The following ME3 variants were observed in gnomAD, a reference collection of about 807,000 sequenced individuals.
ME3 encodes NADP-dependent malic enzyme, mitochondrial.
A neutral mutation model predicts 68.9 loss-of-function variants in ME3; 48 were observed. The observed-to-expected ratio is 0.70, with a 90% CI of 0.55 to 0.89. The LOEUF is 0.89. Among genes scored for constraint, ME3 ranks in the 40% least tolerant of loss-of-function variants. The pLI, the probability that ME3 is intolerant of heterozygous loss-of-function variation, is 0.00. For synonymous variants in ME3, 320 were observed against 318.8 expected (o/e 1.00, Z -0.04); for missense variants, 675 against 797.4 (o/e 0.85, Z 1.85).
At chr11:86,551,887 A>T (rs1284403805) in intron 4 of ME3, among the ~76,000 whole-genome samples, 1 of 152,140 alleles carries the variant, frequency 6.6e-6, no homozygotes, top group Admixed American at 6.5e-5. Flanking sequence ...TCCCAGCCTC[A>T]CCTTTCTAAC....
intron 2 of ME3, among the ~76,000 whole-genome samples, chr11:86,632,841 A>T (rs918946263): frequency 2.0e-5 from 3 of 152,192 alleles, no homozygotes; most frequent in Non-Finnish European, 2.9e-5. Context: ...CTGGTCCTCC[A>T]TGGGAGCCCC....
In ME3 at chr11:86,451,470, T is replaced by C. The variant is rs555388070; in HGVS notation, c.920-1072A>G. On this transcript the variant is annotated intron_variant, in intron 8 of 14. Coordinates refer to ENST00000543262, the Ensembl canonical transcript of ME3. ...ACCCAGGGTTTGCTTAACGGACTTA[T>C]GCATAAAACAGCCATGGTGGTAAGG... is the stretch of plus-strand genomic sequence containing the variant. Among the ~76,000 whole-genome samples, 273 of 152,338 alleles carry C rather than the reference T, an allele frequency of 1.8e-3. 1 individual carries two copies. The highest frequency in any genetic ancestry group is 1.9e-3 in the Non-Finnish European group (129 of 68,030).
chr11:86,536,109 T>C (rs945983852), intron 4 of ME3, among the ~76,000 whole-genome samples: 3 of 152,190 alleles, frequency 2.0e-5, no homozygotes, highest in Non-Finnish European at 4.4e-5. Context: ...CTGAATTGTC[T>C]ATTTCCTTGT....
chr11:86,532,949 G>C (rs768240236), intron 4 of ME3, among the ~76,000 whole-genome samples: 24 of 152,146 alleles, frequency 1.6e-4, no homozygotes, highest in Admixed American at 2.6e-4. Flanking sequence ...CTACTCAGGA[G>C]GCTGAGGTGG....
At chr11:86,501,884 T>A (rs1416940655) in intron 5 of ME3, among the ~76,000 whole-genome samples, 1 of 152,212 alleles carries the variant, frequency 6.6e-6, no homozygotes, top group Non-Finnish European at 1.5e-5. Context: ...CTTGAGCCAC[T>A]GCACTGTTCT....
At chr11:86,586,331 T>A (rs1958731996) in intron 2 of ME3, among the ~76,000 whole-genome samples, 1 of 151,880 alleles carries the variant, frequency 6.6e-6, no homozygotes, top group Admixed American at 6.6e-5. Context: ...GAGAACTGAG[T>A]AGGATTGGAG....
chr11:86,670,832 T>G (rs531904823), intron 2 of ME3, among the ~76,000 whole-genome samples: 1 of 152,356 alleles, frequency 6.6e-6, no homozygotes, highest in South Asian at 2.1e-4. Context: ...TCAAGTTCAG[T>G]GATTCATTTT....
downstream of ME3, among the ~76,000 whole-genome samples, chr11:86,440,613 C>A (rs1211761492): frequency 6.6e-6 from 1 of 152,166 alleles, no homozygotes; most frequent in Admixed American, 6.5e-5. Flanking sequence ...TAAGACTCAA[C>A]AACCCACAGG....
intron 4 of ME3, among the ~76,000 whole-genome samples, chr11:86,548,578 T>G (rs770485630): frequency 6.6e-6 from 1 of 152,232 alleles, no homozygotes; most frequent in Admixed American, 6.5e-5. Flanking sequence ...AAGCTTTTTC[T>G]TGTCAGAAAA....
intron 2 of ME3, among the ~76,000 whole-genome samples, chr11:86,659,519 A>G (rs1946137899): frequency 6.6e-6 from 1 of 152,222 alleles, no homozygotes; most frequent in African/African-American, 2.4e-5. Context: ...ATGCTAGTCA[A>G]GATGACCTCT....
intron 2 of ME3, among the ~76,000 whole-genome samples, chr11:86,605,693 G>T (rs1961525366): frequency 6.6e-6 from 1 of 152,004 alleles, no homozygotes; most frequent in African/African-American, 2.4e-5. Flanking sequence ...TCTGTTTAAC[G>T]TTATTTAAAA....
Position 86,508,806 on chromosome 11 carries a change from C to A in ME3, c.529G>T (p.Glu177Ter), listed in dbSNP as rs577491910. 6.2e-7 allele frequency: 1 copy of A among 1,612,414 alleles called. No homozygotes were observed. The highest frequency in any genetic ancestry group is 1.3e-5 in the African/African-American group (1 of 74,990). The change falls in exon 5 of 15, where the codon GAA (glutamate) becomes TAA (stop). Residue 177 changes from glutamate to a stop codon, truncating the protein, a stop_gained. Transcript: ENST00000543262. LOFTEE classifies it high-confidence loss of function. ...CGGGATCATACCTTAATATTGTCTT[C>A]TGGCCAAGAATTCAGCATTGTTGCA...
Position 86,442,524 on chromosome 11 carries a change from C to T in ME3, c.1653+297G>A, listed in dbSNP as rs139229819. Among the ~76,000 whole-genome samples the T allele has an allele frequency of 1.7e-3, 264 of 152,212 alleles. 2 individuals carry two copies. The highest frequency in any genetic ancestry group is 3.4e-4 in the Non-Finnish European group (23 of 68,028). The stretch of plus-strand genomic sequence containing the variant: ...CAAGCTGACCTTTCTTATAAATGGG[C>T]GCTTATGAGTCATTTCTAAAAAATT... On this transcript the variant is annotated intron_variant, in intron 14 of 14. Transcript: ENST00000543262.
At chr11:86,553,149 C>G (rs1286156556) in intron 4 of ME3, among the ~76,000 whole-genome samples, 4 of 152,200 alleles carry the variant, frequency 2.6e-5, no homozygotes, top group Non-Finnish European at 4.4e-5. Context: ...GCAAAGGAGG[C>G]TCCACCAGAG....
intron 7 of ME3, among the ~76,000 whole-genome samples, chr11:86,465,950 G>T (rs899121593): frequency 1.3e-5 from 2 of 152,184 alleles, no homozygotes. Context: ...GATTCTGACA[G>T]CCCAGAGAAC....
intron 8 of ME3, among the ~76,000 whole-genome samples, chr11:86,460,077 C>T (rs936981891): frequency 9.8e-5 from 15 of 152,360 alleles, no homozygotes; most frequent in Admixed American, 5.2e-4. Context: ...CTTTCCCCTT[C>T]TAGGCCTTTC....
intron 2 of ME3, among the ~76,000 whole-genome samples, chr11:86,632,433 A>G (rs1178425890): frequency 1.3e-5 from 2 of 152,192 alleles, no homozygotes; most frequent in African/African-American, 4.8e-5. Flanking sequence ...TGTTCCTCAC[A>G]CTACAGCCAA....
chr11:86,554,099 C>T (rs1175046755), intron 4 of ME3, among the ~76,000 whole-genome samples: 4 of 152,184 alleles, frequency 2.6e-5, no homozygotes, highest in Admixed American at 6.5e-5. Flanking sequence ...CTGGTGGTGT[C>T]CCTGGATTCT....
chr11:86,625,841 G>C (rs1320776700), intron 2 of ME3, among the ~76,000 whole-genome samples: 1 of 152,188 alleles, frequency 6.6e-6, no homozygotes, highest in Non-Finnish European at 1.5e-5. Flanking sequence ...CTAGCTGAGT[G>C]TAACTTTGAG....
Sources: gnomAD v4.1 joint callset for allele counts (sites outside exome capture counted in the v4.1 genomes callset) on GRCh38, gnomAD v4.1.1 for gene constraint, MANE v1.5 for transcripts, NCBI Gene and HGNC (gene_info 2026-07-23, HGNC 2026-07-21) for gene names.